The following ANKHD1 variants were observed in gnomAD, a reference collection of about 807,000 sequenced individuals.
The protein encoded by ANKHD1 is ankyrin repeat and KH domain-containing protein 1.
ANKHD1 carries 31 observed loss-of-function variants against 230.5 expected under a neutral mutation model. The observed-to-expected ratio is 0.13, with a 90% CI of 0.10 to 0.18. The LOEUF is 0.18. Among genes scored for constraint, ANKHD1 ranks in the 10% least tolerant of loss-of-function variants. ANKHD1 has a pLI of 1.00. For missense variants in ANKHD1, 2,256 were observed against 3,071.3 expected (o/e 0.73, Z 6.27); for synonymous variants, 1,074 against 1,117.6 (o/e 0.96, Z 0.78).
intron 10 of ANKHD1, among the ~76,000 whole-genome samples, chr5:140,470,013 A>G (rs1207816601): frequency 6.6e-6 from 1 of 151,990 alleles, no homozygotes; most frequent in Non-Finnish European, 1.5e-5. Context: ...TTAGAATACC[A>G]TATGTTGTAT....
intron 1 of ANKHD1, among the ~76,000 whole-genome samples, chr5:140,413,934 C>T (rs1234315303): frequency 1.3e-5 from 2 of 152,120 alleles, no homozygotes; most frequent in Admixed American, 1.3e-4. Context: ...GAGTGTGCCA[C>T]CATGCCTGGC....
chr5:140,525,097 C>T (rs1432249945), intron 25 of ANKHD1: 1 of 152,872 alleles, frequency 6.5e-6, no homozygotes, highest in Admixed American at 6.6e-5. Flanking sequence ...GCCTGGGTGA[C>T]AGGAGCAAAA....
At position 140,527,796 on chromosome 5, in the gene ANKHD1, A is replaced by C. The variant is rs938368778; in HGVS notation, c.5088-77A>C. The C allele has an allele frequency of 4.4e-5, 64 of 1,460,466 alleles. No homozygotes were observed. The highest frequency in any genetic ancestry group is 1.2e-5 in the Non-Finnish European group (13 of 1,100,430). The allele number at this position is 1,460,466 out of a possible 1,614,324, so 90.5% of individuals were successfully genotyped here. ...AATGTTATTCTCCAAAATGTCCATG[A>C]ACATACTTACTAAGACATCTTTCTT... On this transcript the variant is annotated intron_variant, in intron 27 of 33. Coordinates refer to ENST00000360839, the MANE Select transcript of ANKHD1 (RefSeq NM_017747.3). This position sits in a 1 kb window ranked among gnomAD's most constrained non-coding sequence, Gnocchi z 4.5.
Position 140,458,880 on chromosome 5 carries a change from C to G in ANKHD1, c.1480+18C>G, listed in dbSNP as rs764744392. ...AGCACAAGGTAAAGCAGTTTTACTT[C>G]TTTTAGAAAAATCAGTTTTCTTTGG... On this transcript the variant is annotated intron_variant, in intron 8 of 33. Coordinates refer to ENST00000360839, the MANE Select transcript of ANKHD1 (RefSeq NM_017747.3). 1 of 1,569,394 alleles carries G rather than the reference C, an allele frequency of 6.4e-7. No individual in the cohort carries two copies.
At chr5:140,455,243 G>A (rs1056085047) in intron 7 of ANKHD1, among the ~76,000 whole-genome samples, 1 of 152,086 alleles carries the variant, frequency 6.6e-6, no homozygotes, top group Non-Finnish European at 1.5e-5. Flanking sequence ...ACCAAAAAAA[G>A]TCCAGGACCA....
At chr5:140,466,720 C>T (rs988880551) in intron 10 of ANKHD1, among the ~76,000 whole-genome samples, 13 of 152,150 alleles carry the variant, frequency 8.5e-5, no homozygotes, top group South Asian at 4.1e-4. Flanking sequence ...CCGAGGCGGA[C>T]GGACCACCTG....
chr5:140,508,104 CTG>C (rs1752612068), intron 20 of ANKHD1, 106 bp downstream of exon 20: 2 of 1,381,202 alleles, frequency 1.4e-6, no homozygotes, highest in Non-Finnish European at 1.9e-6. Context: ...TAAATTAAAA[CTG>C]ATACCAATGC....
chr5:140,403,084 C>T (rs1025517178), intron 1 of ANKHD1, among the ~76,000 whole-genome samples: 15 of 151,064 alleles, frequency 9.9e-5, no homozygotes, highest in Non-Finnish European at 2.1e-4. Context: ...ATTCTCCTGC[C>T]TCAGCCTCCC....
intron 22 of ANKHD1, among the ~76,000 whole-genome samples, chr5:140,510,841 A>G (rs768903415): frequency 1.1e-4 from 16 of 151,370 alleles, no homozygotes; most frequent in Non-Finnish European, 1.9e-4. Context: ...GTGTGTGAGT[A>G]TGAAACGGTC....
rs113287175 is a variant in ANKHD1 at position 140,532,739 on chromosome 5, A to C, written c.6851-2623A>C. The C allele has an allele frequency of 1.0e-3, 376 of 372,524 alleles. 1 individual carries two copies. Among genetic ancestry groups the C allele is most frequent in the Non-Finnish European group, 1.5e-3 (279 of 189,246 alleles). The allele number at this position is 372,524 out of a possible 1,614,324, so 23.1% of individuals were successfully genotyped here. A position where few individuals can be genotyped will look rare whatever the true frequency, so the allele number is the denominator to read the frequency against. On this transcript the variant is annotated intron_variant, in intron 29 of 33. Transcript: ENST00000360839. ...TTGTATGGTTTGTGAATTAAATCTC[A>C]GTAAAGCTATTAAAAAGTACATTTA...
intron 10 of ANKHD1, 25 bp downstream of exon 10, chr5:140,464,801 T>G: frequency 6.3e-7 from 1 of 1,577,070 alleles, no homozygotes; most frequent in Non-Finnish European, 8.6e-7. Flanking sequence ...ATTTCAAATA[T>G]TTTTGCGTTA....
At chr5:140,472,278 G>T (rs1776546904) in intron 10 of ANKHD1, 1 of 1,613,568 alleles carries the variant, frequency 6.2e-7, no homozygotes, top group Admixed American at 1.7e-5. Context: ...GGAGGGCATA[G>T]ATCCGGCCAA....
chr5:140,482,784 C>A, intron 11 of ANKHD1, 117 bp downstream of exon 11: 2 of 1,063,226 alleles, frequency 1.9e-6, no homozygotes, highest in Non-Finnish European at 2.6e-6. Context: ...TGTATTCTTG[C>A]CTTTTGTTAT....
At chr5:140,473,250 G>A (rs961403676) in intron 10 of ANKHD1, among the ~76,000 whole-genome samples, 7 of 151,520 alleles carry the variant, frequency 4.6e-5, no homozygotes, top group South Asian at 2.1e-4. Context: ...GGCTGGTCTC[G>A]AACTCCTGAC....
intron 33 of ANKHD1, 68 bp from the exon 34 acceptor site, chr5:140,539,291 A>T (rs1036690357): frequency 1.2e-6 from 2 of 1,606,490 alleles, no homozygotes; most frequent in African/African-American, 2.7e-5. Flanking sequence ...CATTGCATTT[A>T]TATATTCATT....
At chr5:140,432,045 A>G (rs1309206345) in intron 1 of ANKHD1, among the ~76,000 whole-genome samples, 1 of 152,202 alleles carries the variant, frequency 6.6e-6, no homozygotes, top group South Asian at 2.1e-4. Flanking sequence ...TTTCTAGCCT[A>G]ATGCCATAGT....
intron 10 of ANKHD1, among the ~76,000 whole-genome samples, chr5:140,478,995 T>TTTTA (rs10696182): frequency 0.97 from 141,528 of 146,532 alleles, 68,369 homozygotes; most frequent in East Asian, 1. Context: ...TTTTTTTAAT[T>TTTTA]TTTATTTATT....
Position 140,440,146 on chromosome 5 carries a change from T to C in ANKHD1, c.645T>C (p.Asp215=), listed in dbSNP as rs1773747345. 1.2e-6 allele frequency: 2 copies of C among 1,611,472 alleles called. No individual in the cohort carries two copies. Among genetic ancestry groups the C allele is most frequent in the Non-Finnish European group, 1.7e-6 (2 of 1,178,674 alleles). ...DTRSLAEACS[D]GDVNAVRKLL... ...GCAGTCTAGCAGAAGCTTGTTCAGATGGGGATGTTAATGCTGTTCGTAAAT... is the reference window on the plus strand; with the variant it reads ...GCAGTCTAGCAGAAGCTTGTTCAGACGGGGATGTTAATGCTGTTCGTAAAT... The change falls in exon 4 of 34, where the codon GAT becomes GAC. Residue 215 remains aspartate, a synonymous_variant. Transcript: ENST00000360839.
Position 140,402,023 on chromosome 5 carries a change from T to G in ANKHD1, c.56T>G (p.Val19Gly). 6.6e-7 allele frequency: 1 copy of G among 1,510,562 alleles called. No homozygotes were observed. The highest frequency in any genetic ancestry group is 2.5e-5 in the East Asian group (1 of 39,392). The allele number at this position is 1,510,562 out of a possible 1,614,324, so 93.6% of individuals were successfully genotyped here. ...TCCTTTGAGGAGGACCTGGACTCTG[T>G]GGCTCCGCGATCCGCCCCAGCTGGG... ...GTSFEEDLDS[V>G]APRSAPAGAS... The change falls in exon 1 of 34, where the codon GTG becomes GGG. Residue 19 changes from valine (V) to glycine (G), a missense_variant. Transcript: ENST00000360839.
Sources: allele counts gnomAD v4.1 joint callset (sites outside exome capture counted in the v4.1 genomes callset), GRCh38; gene constraint gnomAD v4.1.1; non-coding constraint Gnocchi (gnomAD v3.1); transcripts MANE v1.5; gene names NCBI Gene and HGNC (gene_info 2026-07-23, HGNC 2026-07-21).